Variants in GPATCH2 observed in about 807,000 individuals in gnomAD.
GPATCH2 encodes G patch domain-containing protein 2.
GPATCH2 carries 51 observed loss-of-function variants against 58.0 expected under a neutral mutation model. The ratio of observed to expected loss-of-function variants is 0.88; its 90% CI spans 0.70 to 1.11. The LOEUF is 1.11. Among genes scored for constraint, GPATCH2 ranks in the 50% most tolerant of loss-of-function variants. The probability of loss-of-function intolerance (pLI) is 0.00; values close to 1 mark genes in which losing one functional copy is unlikely to be tolerated. For synonymous variants in GPATCH2, 222 were observed against 218.5 expected, an observed-to-expected ratio of 1.02 and a Z score of -0.14; for missense variants, 625 against 652.2, an observed-to-expected ratio of 0.96 and a Z score of 0.45.
chr1:217,547,915 G>T (rs928130856), intron 5 of GPATCH2, among the ~76,000 whole-genome samples: 1 of 152,166 alleles, frequency 6.6e-6, no homozygotes, highest in African/African-American at 2.4e-5. Flanking sequence ...AGATCTGGTT[G>T]TCTGAAAGTG....
intron 5 of GPATCH2, among the ~76,000 whole-genome samples, chr1:217,537,300 A>G (rs1344427520): frequency 6.6e-6 from 1 of 152,186 alleles, no homozygotes; most frequent in African/African-American, 2.4e-5. Flanking sequence ...TTGACAATAC[A>G]GTCTGTTTCA....
intron 9 of GPATCH2, among the ~76,000 whole-genome samples, chr1:217,443,287 G>A (rs909071981): frequency 3.9e-5 from 6 of 152,156 alleles, no homozygotes; most frequent in African/African-American, 1.4e-4. Flanking sequence ...CCTCACTCTT[G>A]GGTAATAATT....
chr1:217,448,956 A>T (rs1023787395), intron 9 of GPATCH2, among the ~76,000 whole-genome samples: 2 of 152,284 alleles, frequency 1.3e-5, no homozygotes, highest in Non-Finnish European at 2.9e-5. Context: ...TTTTCCCAAC[A>T]AGACTGTAAA....
intron 7 of GPATCH2, among the ~76,000 whole-genome samples, chr1:217,494,261 A>G (rs531651859): frequency 9.8e-5 from 15 of 152,360 alleles, no homozygotes; most frequent in African/African-American, 2.6e-4. Context: ...TCACAAACTT[A>G]TCTCACCTTA....
intron 7 of GPATCH2, among the ~76,000 whole-genome samples, chr1:217,495,699 T>C (rs1268942349): frequency 1.3e-5 from 2 of 152,304 alleles, no homozygotes; most frequent in East Asian, 1.9e-4. Context: ...TTTACCAACA[T>C]AGTATAATTA....
At chr1:217,474,948 A>G (rs1478044582) in intron 8 of GPATCH2, among the ~76,000 whole-genome samples, 1 of 152,196 alleles carries the variant, frequency 6.6e-6, no homozygotes, top group East Asian at 1.9e-4. Context: ...GCATATAAAT[A>G]AAAAAGGTGA....
At chr1:217,494,929 G>A (rs1661938977) in intron 7 of GPATCH2, 3 of 161,998 alleles carry the variant, frequency 1.9e-5, no homozygotes. Context: ...AGTGTCACAA[G>A]TGAGGTTGCT....
At chr1:217,610,823 C>T in intron 4 of GPATCH2, 66 bp downstream of exon 4, 1 of 1,119,050 alleles carries the variant, frequency 8.9e-7, no homozygotes, top group Non-Finnish European at 1.3e-6. Flanking sequence ...TCTTATCCTC[C>T]TTGAATGAAT....
At chr1:217,566,865 CA>C (rs1253361377) in intron 5 of GPATCH2, among the ~76,000 whole-genome samples, 1 of 152,084 alleles carries the variant, frequency 6.6e-6, no homozygotes. Flanking sequence ...TTACTCTTAA[CA>C]AACTTCACAA....
rs1183174400 is a variant in GPATCH2 at position 217,433,361 on chromosome 1, C to CATAT, written c.1367-2000_1367-1997dup. Among the ~76,000 whole-genome samples, 330 of 118,562 alleles carry CATAT rather than the reference C, an allele frequency of 2.8e-3. 1 individual carries two copies. Among genetic ancestry groups the CATAT allele is most frequent in the South Asian group, 0.014 (48 of 3,456 alleles). 77.8% of individuals were successfully genotyped at this position (118,562 alleles called of 152,430 possible). A position where few individuals can be genotyped will look rare whatever the true frequency, so the allele number is the denominator to read the frequency against. On this transcript the variant is annotated intron_variant, in intron 9 of 9. Coordinates refer to ENST00000366935, the MANE Select transcript of GPATCH2 (RefSeq NM_018040.5). ...ATTTATTATTGTTCTTTAAGCTGTT[C>CATAT]ATATATATATATATATATATATATT...
chr1:217,615,035 T>G (rs1467202768), intron 2 of GPATCH2, among the ~76,000 whole-genome samples: 1 of 151,990 alleles, frequency 6.6e-6, no homozygotes, highest in Non-Finnish European at 1.5e-5. Flanking sequence ...AAAATTCTCA[T>G]GTATTTTATT....
chr1:217,593,654 C>T (rs759076847), intron 5 of GPATCH2, among the ~76,000 whole-genome samples: 4 of 151,892 alleles, frequency 2.6e-5, no homozygotes, highest in South Asian at 2.1e-4. Context: ...GTAAATAATG[C>T]GGGATTAGAA....
intron 1 of GPATCH2, among the ~76,000 whole-genome samples, chr1:217,627,619 G>T (rs189881733): frequency 3.9e-4 from 59 of 152,124 alleles, no homozygotes; most frequent in African/African-American, 1.3e-3. Context: ...GCTCCTGGCA[G>T]CTTCTACTTT....
chr1:217,613,903 C>T (rs950038541), intron 3 of GPATCH2, among the ~76,000 whole-genome samples: 1 of 152,112 alleles, frequency 6.6e-6, no homozygotes, highest in African/African-American at 2.4e-5. Context: ...GATAATCCTT[C>T]CTTAATATTA....
At chr1:217,500,257 A>T (rs937225876) in intron 6 of GPATCH2, among the ~76,000 whole-genome samples, 2 of 152,050 alleles carry the variant, frequency 1.3e-5, no homozygotes, top group African/African-American at 2.4e-5. Flanking sequence ...ATATTAAAAA[A>T]TATCTGAAAA....
intron 8 of GPATCH2, 106 bp from the exon 9 acceptor site, chr1:217,449,443 G>A: frequency 1.4e-6 from 1 of 702,024 alleles, no homozygotes. Context: ...CAACAAAGAT[G>A]GAGCTGCGTA....
At chr1:217,574,593 G>GA (rs1336191095) in intron 5 of GPATCH2, among the ~76,000 whole-genome samples, 1 of 152,078 alleles carries the variant, frequency 6.6e-6, no homozygotes, top group Non-Finnish European at 1.5e-5. Flanking sequence ...AGAAGGAAAA[G>GA]AAAAAACATT....
At chr1:217,570,651 A>C (rs1487224734) in intron 5 of GPATCH2, among the ~76,000 whole-genome samples, 1 of 152,220 alleles carries the variant, frequency 6.6e-6, no homozygotes, top group African/African-American at 2.4e-5. Context: ...ACTAATAACC[A>C]ACAAAGCGAT....
chr1:217,615,917 CCT>C (rs971211082), intron 2 of GPATCH2, among the ~76,000 whole-genome samples: 2 of 151,948 alleles, frequency 1.3e-5, no homozygotes, highest in African/African-American at 2.4e-5. Context: ...CAGATTTACC[CCT>C]CTCTAATCTA....
Sources: allele counts gnomAD v4.1 joint callset (sites outside exome capture counted in the v4.1 genomes callset), GRCh38; gene constraint gnomAD v4.1.1; transcripts MANE v1.5; gene names NCBI Gene and HGNC (gene_info 2026-07-23, HGNC 2026-07-21).